TNFRSF21: variants seen among roughly 807,000 people sequenced by gnomAD.
TNFRSF21 encodes tumor necrosis factor receptor superfamily member 21.
TNFRSF21 carries 19 observed loss-of-function variants against 45.6 expected under a neutral mutation model. The observed-to-expected ratio is 0.42, with a 90% CI of 0.29 to 0.61. TNFRSF21 has a LOEUF of 0.61. Among genes scored for constraint, TNFRSF21 ranks in the 20% least tolerant of loss-of-function variants. The probability of loss-of-function intolerance (pLI) is 0.23; values close to 1 mark genes in which losing one functional copy is unlikely to be tolerated. For synonymous variants in TNFRSF21, 314 were observed against 335.5 expected (o/e 0.94, Z 0.70); for missense variants, 737 against 851.5 (o/e 0.87, Z 1.67).
rs1484370229 is a variant in TNFRSF21 at position 47,232,849 on chromosome 6, T to C, written c.1884A>G (p.Leu628=). Residue 628 remains leucine (L), a synonymous_variant, in exon 6 of 6, where the codon CTA becomes CTG. Coordinates refer to ENST00000296861, the MANE Select transcript of TNFRSF21 (RefSeq NM_014452.5). ...IPQAEDKLDR[L]FEIIGVKSQE... is the part of the protein sequence containing the mutation. ...GGCTCTTGACTCCAATAATTTCGAA[T>C]AGCCGGTCTAGTTTGTCCTCAGCCT... The C allele has an allele frequency of 4.3e-6, 7 of 1,614,012 alleles. No homozygotes were observed. Among genetic ancestry groups the C allele is most frequent in the Non-Finnish European group, 5.9e-6 (7 of 1,180,016 alleles).
At chr6:47,307,859 T>A (rs1397645941) in intron 1 of TNFRSF21, among the ~76,000 whole-genome samples, 3 of 152,216 alleles carry the variant, frequency 2.0e-5, no homozygotes, top group Non-Finnish European at 4.4e-5. Context: ...ATCAGATGTG[T>A]TAGAAGCACC....
intron 4 of TNFRSF21, among the ~76,000 whole-genome samples, chr6:47,246,073 A>T (rs1425990566): frequency 2.0e-5 from 3 of 152,236 alleles, no homozygotes; most frequent in African/African-American, 7.2e-5. Context: ...TTACAATTCA[A>T]CATGAGGTTT....
intron 4 of TNFRSF21, among the ~76,000 whole-genome samples, chr6:47,245,709 T>C (rs1764815331): frequency 6.6e-6 from 1 of 152,162 alleles, no homozygotes; most frequent in Admixed American, 6.5e-5. Flanking sequence ...ACAATTGACA[T>C]GGGATTCAAT....
chr6:47,261,595 T>C (rs1765074812), intron 3 of TNFRSF21, among the ~76,000 whole-genome samples: 1 of 152,206 alleles, frequency 6.6e-6, no homozygotes, highest in South Asian at 2.1e-4. Flanking sequence ...TGTCCTATGC[T>C]CACCACTGGG....
Position 47,234,916 on chromosome 6 carries a change from T to A in TNFRSF21, c.1510-18A>T. ...GTTTCCAGCTGTAGGAGGGAAAATTTTTTTTTATTATATATAGAAAAAAAA... is the reference window on the plus strand; with the variant it reads ...GTTTCCAGCTGTAGGAGGGAAAATTATTTTTTATTATATATAGAAAAAAAA... On this transcript the variant is annotated intron_variant, in intron 4 of 5. Coordinates refer to ENST00000296861, the MANE Select transcript of TNFRSF21 (RefSeq NM_014452.5). 2 of 1,323,358 alleles carry A rather than the reference T, an allele frequency of 1.5e-6. No individual in the cohort carries two copies. Among genetic ancestry groups the A allele is most frequent in the Non-Finnish European group, 1.9e-6 (2 of 1,028,638 alleles). The allele number at this position is 1,323,358 out of a possible 1,614,324, so 82.0% of individuals were successfully genotyped here.
intron 1 of TNFRSF21, among the ~76,000 whole-genome samples, chr6:47,302,960 AG>A (rs1762891050): frequency 6.6e-6 from 1 of 152,236 alleles, no homozygotes; most frequent in African/African-American, 2.4e-5. Context: ...GATCATTTGC[AG>A]AAGGTATTCA....
chr6:47,287,351 T>G (rs1049119531), intron 1 of TNFRSF21, among the ~76,000 whole-genome samples: 1 of 139,808 alleles, frequency 7.2e-6, no homozygotes, highest in Non-Finnish European at 1.6e-5. Context: ...AAAAATTGTA[T>G]ACTAGTCAAA....
chr6:47,271,106 C>G (rs1383706419), intron 3 of TNFRSF21, among the ~76,000 whole-genome samples: 1 of 152,158 alleles, frequency 6.6e-6, no homozygotes, highest in Non-Finnish European at 1.5e-5. Flanking sequence ...GAATATTATC[C>G]AGGAGAACTT....
intron 1 of TNFRSF21, among the ~76,000 whole-genome samples, chr6:47,297,746 C>T (rs572946679): frequency 2.0e-5 from 3 of 152,146 alleles, no homozygotes; most frequent in Non-Finnish European, 4.4e-5. Context: ...TGGTCTTGAA[C>T]TCCTGGCCTC....
At chr6:47,269,098 T>G (rs368260701) in intron 3 of TNFRSF21, among the ~76,000 whole-genome samples, 2 of 152,204 alleles carry the variant, frequency 1.3e-5, no homozygotes, top group African/African-American at 4.8e-5. Flanking sequence ...CCATGTGACT[T>G]TGGGCAAGTC....
intron 1 of TNFRSF21, among the ~76,000 whole-genome samples, chr6:47,296,139 T>G (rs1762786602): frequency 6.6e-6 from 1 of 152,156 alleles, no homozygotes; most frequent in Non-Finnish European, 1.5e-5. Flanking sequence ...CACTAAGCAG[T>G]AAGTGAATTG....
intron 1 of TNFRSF21, among the ~76,000 whole-genome samples, chr6:47,303,099 A>G (rs1177469506): frequency 6.6e-6 from 1 of 152,172 alleles, no homozygotes; most frequent in East Asian, 1.9e-4. Flanking sequence ...TTGAATCCAC[A>G]GCTGCTCTCA....
chr6:47,308,857 C>T (rs966359464), intron 1 of TNFRSF21, among the ~76,000 whole-genome samples: 1 of 152,250 alleles, frequency 6.6e-6, no homozygotes, highest in African/African-American at 2.4e-5. Context: ...GAGGAGGGGG[C>T]GGCTTGCGCC....
At chr6:47,268,647 T>A (rs1280254411) in intron 3 of TNFRSF21, among the ~76,000 whole-genome samples, 1 of 152,162 alleles carries the variant, frequency 6.6e-6, no homozygotes, top group Admixed American at 6.5e-5. Flanking sequence ...TCCCCCAGCC[T>A]GAAATCATCC....
intron 3 of TNFRSF21, among the ~76,000 whole-genome samples, chr6:47,274,184 T>A (rs1762464168): frequency 6.6e-6 from 1 of 152,110 alleles, no homozygotes; most frequent in Non-Finnish European, 1.5e-5. Context: ...GCCAAGACAA[T>A]CCTAAGCAAA....
chr6:47,263,445 A>T (rs920351650), intron 3 of TNFRSF21, among the ~76,000 whole-genome samples: 5 of 152,152 alleles, frequency 3.3e-5, no homozygotes, highest in Non-Finnish European at 5.9e-5. Context: ...GAGAGTGTGT[A>T]CATTGAAAAG....
intron 1 of TNFRSF21, among the ~76,000 whole-genome samples, chr6:47,297,822 C>T (rs1453670129): frequency 1.3e-5 from 2 of 152,088 alleles, no homozygotes; most frequent in Non-Finnish European, 1.5e-5. Flanking sequence ...CGCACCTGGC[C>T]AAGACAATCT....
At chr6:47,276,949 G>T (rs184570845) in intron 3 of TNFRSF21, among the ~76,000 whole-genome samples, 26 of 152,220 alleles carry the variant, frequency 1.7e-4, no homozygotes, top group Non-Finnish European at 2.9e-4. Context: ...CTTTAAGGTG[G>T]CAGTGTTGCT....
At chr6:47,281,573 G>A (rs545253463) in intron 3 of TNFRSF21, among the ~76,000 whole-genome samples, 1 of 152,146 alleles carries the variant, frequency 6.6e-6, no homozygotes, top group East Asian at 1.9e-4. Context: ...TAGATACGAG[G>A]TTTCGCCATG....
Sources: gnomAD v4.1 joint callset for allele counts (sites outside exome capture counted in the v4.1 genomes callset) on GRCh38, gnomAD v4.1.1 for gene constraint, MANE v1.5 for transcripts, NCBI Gene and HGNC (gene_info 2026-07-23, HGNC 2026-07-21) for gene names.